PID1: variants seen among roughly 807,000 people sequenced by gnomAD.
PID1 encodes the protein phosphotyrosine interaction domain containing 1, also known as PTB-containing, cubilin and LRP1-interacting protein.
Under a neutral mutation model 19.1 loss-of-function variants are expected in PID1, and 10 were observed. The observed-to-expected ratio is 0.52, with a 90% confidence interval of 0.32 to 0.89. The LOEUF (loss-of-function observed/expected upper bound fraction) is 0.89. Ranked by LOEUF, PID1 falls within the 40% of genes least tolerant of loss-of-function variation. The pLI, the probability that PID1 is intolerant of heterozygous loss-of-function variation, is 0.03. For missense variants in PID1, 248 were observed against 285.3 expected, an observed-to-expected ratio of 0.87 and a Z score of 0.94; for synonymous variants, 130 against 116.0, an observed-to-expected ratio of 1.12 and a Z score of -0.78.
At chr2:229,158,085 G>A (rs1230954990) in intron 1 of PID1, among the ~76,000 whole-genome samples, 1 of 152,192 alleles carries the variant, frequency 6.6e-6, no homozygotes, top group Non-Finnish European at 1.5e-5. Flanking sequence ...CCTTACATTT[G>A]CATTTAAAGT....
intron 2 of PID1, among the ~76,000 whole-genome samples, chr2:229,080,236 G>C (rs920939805): frequency 2.0e-5 from 3 of 152,204 alleles, no homozygotes; most frequent in South Asian, 2.1e-4. Context: ...GCTGCTCACT[G>C]TCTTCTGGAC....
At chr2:229,091,183 T>C (rs1307756225) in intron 2 of PID1, among the ~76,000 whole-genome samples, 1 of 152,110 alleles carries the variant, frequency 6.6e-6, no homozygotes, top group African/African-American at 2.4e-5. Context: ...TAGAATATAT[T>C]CTGTTACTGT....
At chr2:229,194,194 C>G (rs1331137843) in intron 1 of PID1, among the ~76,000 whole-genome samples, 1 of 152,032 alleles carries the variant, frequency 6.6e-6, no homozygotes, top group Non-Finnish European at 1.5e-5. Flanking sequence ...TAGTTAATCT[C>G]AAAGTCAGAA....
rs562890224 is a variant in PID1, at chr2:229,087,394, T to C, written c.178-61286A>G. Among the ~76,000 whole-genome samples the C allele has an allele frequency of 3.3e-5, 5 of 152,266 alleles. No individual in the cohort carries two copies. In the South Asian group the frequency reaches 1.0e-3, roughly 32 times the overall value. ...AGTTCAAAAACAGGCAACACCAATC[T>C]ATGCTGTTAGAAACCAGGACAGTGC... is the stretch of plus-strand genomic sequence containing the variant. On this transcript the variant is annotated intron_variant, in intron 2 of 2. Transcript: ENST00000392055.
At chr2:229,242,982 C>T (rs1333897231) in intron 1 of PID1, among the ~76,000 whole-genome samples, 2 of 152,100 alleles carry the variant, frequency 1.3e-5, no homozygotes, top group Admixed American at 6.6e-5. Flanking sequence ...TACCAAATGC[C>T]TATTCATCCT....
intron 2 of PID1, among the ~76,000 whole-genome samples, chr2:229,148,163 A>G (rs1690173978): frequency 6.6e-6 from 1 of 152,218 alleles, no homozygotes; most frequent in Non-Finnish European, 1.5e-5. Context: ...TAAATAACAA[A>G]AGTGAGGTCA....
chr2:229,192,696 T>C (rs1373993255), intron 1 of PID1, among the ~76,000 whole-genome samples: 1 of 152,214 alleles, frequency 6.6e-6, no homozygotes, highest in East Asian at 1.9e-4. Flanking sequence ...ATACCTATAA[T>C]TTACAAGGAT....
At chr2:229,168,431 G>C (rs1326047375) in intron 1 of PID1, among the ~76,000 whole-genome samples, 1 of 151,688 alleles carries the variant, frequency 6.6e-6, no homozygotes, top group African/African-American at 2.4e-5. Context: ...TTTTCCTCTG[G>C]CTGTGCTGAA....
intron 2 of PID1, among the ~76,000 whole-genome samples, chr2:229,056,292 G>A (rs954892887): frequency 4.6e-5 from 7 of 152,020 alleles, no homozygotes; most frequent in Non-Finnish European, 8.8e-5. Flanking sequence ...TGCCATTTAC[G>A]GTCACGAGAG....
chr2:229,209,543 C>T (rs1691682054), intron 1 of PID1, among the ~76,000 whole-genome samples: 1 of 152,164 alleles, frequency 6.6e-6, no homozygotes, highest in Non-Finnish European at 1.5e-5. Flanking sequence ...AGCCTGGATC[C>T]CTGAATCACC....
At chr2:229,238,108 A>ACTT (rs2106273772) in intron 1 of PID1, among the ~76,000 whole-genome samples, 1 of 152,270 alleles carries the variant, frequency 6.6e-6, no homozygotes, top group East Asian at 1.9e-4. Context: ...GAATTGCCTT[A>ACTT]CTTCTTTAAA....
At chr2:229,198,746 A>T (rs1160643086) in intron 1 of PID1, among the ~76,000 whole-genome samples, 1 of 152,058 alleles carries the variant, frequency 6.6e-6, no homozygotes, top group East Asian at 1.9e-4. Flanking sequence ...GTCTATATTC[A>T]AAACATATTG....
intron 2 of PID1, among the ~76,000 whole-genome samples, chr2:229,031,721 C>T (rs1464431557): frequency 3.3e-5 from 5 of 152,128 alleles, no homozygotes; most frequent in South Asian, 2.1e-4. Context: ...GATAAAATGA[C>T]GTAGCAAGAC....
chr2:229,183,834 A>C (rs898540297), intron 1 of PID1, among the ~76,000 whole-genome samples: 6 of 150,976 alleles, frequency 4.0e-5, no homozygotes, highest in African/African-American at 1.2e-4. Flanking sequence ...CCAATTCCTT[A>C]TAATAAATCT....
chr2:229,058,929 T>A (rs1366460353), intron 2 of PID1, among the ~76,000 whole-genome samples: 1 of 152,126 alleles, frequency 6.6e-6, no homozygotes, highest in East Asian at 1.9e-4. Context: ...TGATAATACT[T>A]CAAAAAGGAG....
intron 2 of PID1, among the ~76,000 whole-genome samples, chr2:229,063,752 T>G (rs1490087728): frequency 6.6e-6 from 1 of 152,128 alleles, no homozygotes; most frequent in African/African-American, 2.4e-5. Flanking sequence ...TTGTATTGCA[T>G]TCTATAGCAC....
chr2:229,152,190 A>G (rs1212398346), intron 2 of PID1, among the ~76,000 whole-genome samples: 1 of 152,078 alleles, frequency 6.6e-6, no homozygotes. Context: ...ACCTCCAAAC[A>G]CGGTTTGCCT....
At chr2:229,050,191 C>G (rs1284157383) in intron 2 of PID1, among the ~76,000 whole-genome samples, 1 of 152,188 alleles carries the variant, frequency 6.6e-6, no homozygotes, top group Non-Finnish European at 1.5e-5. Context: ...TCTTAGCCAA[C>G]CATACAAAAG....
At chr2:229,136,890 T>TA (rs1236229771) in intron 2 of PID1, among the ~76,000 whole-genome samples, 3 of 152,180 alleles carry the variant, frequency 2.0e-5, no homozygotes, top group African/African-American at 7.2e-5. Context: ...TGCCAATACT[T>TA]ACCACGTATC....
Sources: allele counts gnomAD v4.1 joint callset (sites outside exome capture counted in the v4.1 genomes callset), GRCh38; gene constraint gnomAD v4.1.1; transcripts MANE v1.5; gene names NCBI Gene and HGNC (gene_info 2026-07-23, HGNC 2026-07-21).